The following CADM2 variants were observed in gnomAD, a reference collection of about 807,000 sequenced individuals.
The protein encoded by CADM2 is cell adhesion molecule 2.
CADM2 carries 12 observed loss-of-function variants against 49.8 expected under a neutral mutation model. The ratio of observed to expected loss-of-function variants is 0.24; its 90% CI spans 0.15 to 0.39. The LOEUF (loss-of-function observed/expected upper bound fraction) is 0.39, where lower values mean the gene tolerates loss of function less well. Ranked by LOEUF, CADM2 falls within the 10% of genes least tolerant of loss-of-function variation. CADM2 has a pLI of 1.00. For synonymous variants in CADM2, 214 were observed against 175.4 expected, an observed-to-expected ratio of 1.22 and a Z score of -1.74; for missense variants, 378 against 492.3, an observed-to-expected ratio of 0.77 and a Z score of 2.20.
chr3:85,985,500 A>G lies in CADM2; in HGVS notation c.970+23853A>G, dbSNP rs150006696. 4.3e-3 allele frequency among the ~76,000 whole-genome samples: 655 copies of G among 151,938 alleles called. 4 individuals carry two copies. The highest frequency in any genetic ancestry group is 0.015 in the African/African-American group (617 of 41,352). ...GACATATGTTTAAAAAGGTAACGTT[A>G]ACTAAAATACTTAAAATGATTCTCG... On this transcript the variant is annotated intron_variant, in intron 8 of 9. Transcript: ENST00000383699.
chr3:85,310,208 T>C (rs918644732), intron 1 of CADM2, among the ~76,000 whole-genome samples: 5 of 152,214 alleles, frequency 3.3e-5, no homozygotes, highest in Non-Finnish European at 5.9e-5. Context: ...CTTAAAGCAT[T>C]ATCACAATAG....
At chr3:85,108,104 AAC>A (rs2038315804) in intron 1 of CADM2, among the ~76,000 whole-genome samples, 1 of 152,152 alleles carries the variant, frequency 6.6e-6, no homozygotes, top group Non-Finnish European at 1.5e-5. Context: ...CAGGCACACA[AAC>A]AGGTATTTGT....
chr3:85,568,397 C>CTCTTTCTTTCTTTCTTTCTTTCTT (rs71108298), intron 1 of CADM2, among the ~76,000 whole-genome samples: 5 of 52,090 alleles, frequency 9.6e-5, no homozygotes, highest in Admixed American at 4.4e-4. Context: ...TCCTTCCTCC[C>CTCTTTCTTTCTTTCTTTCTTTCTT]TCTTTCTTTC....
At chr3:85,167,670 T>G (rs1005561388) in intron 1 of CADM2, among the ~76,000 whole-genome samples, 2 of 152,164 alleles carry the variant, frequency 1.3e-5, no homozygotes, top group Non-Finnish European at 2.9e-5. Context: ...ATTTAACAAT[T>G]AAACCACTTT....
At chr3:85,412,579 G>A (rs2035705882) in intron 1 of CADM2, among the ~76,000 whole-genome samples, 1 of 150,196 alleles carries the variant, frequency 6.7e-6, no homozygotes. Flanking sequence ...CCAACTAATA[G>A]AAAAGTCATG....
At chr3:85,846,333 A>G (rs1489741554) in intron 3 of CADM2, among the ~76,000 whole-genome samples, 1 of 152,190 alleles carries the variant, frequency 6.6e-6, no homozygotes, top group East Asian at 1.9e-4. Flanking sequence ...TATATGATAC[A>G]TACCCACTGT....
intron 7 of CADM2, among the ~76,000 whole-genome samples, chr3:85,953,077 C>G (rs1469364651): frequency 6.6e-6 from 1 of 150,624 alleles, no homozygotes; most frequent in Admixed American, 6.7e-5. Context: ...TCATGTTGCT[C>G]CTGTTTATGA....
intron 1 of CADM2, among the ~76,000 whole-genome samples, chr3:85,545,888 G>T (rs973318674): frequency 6.6e-6 from 1 of 152,152 alleles, no homozygotes; most frequent in Non-Finnish European, 1.5e-5. Flanking sequence ...GTTTACCAGA[G>T]ATCTAAATTT....
intron 3 of CADM2, among the ~76,000 whole-genome samples, chr3:85,809,788 C>T (rs924089520): frequency 8.2e-5 from 9 of 109,648 alleles, no homozygotes; most frequent in South Asian, 3.8e-4. Context: ...CTCTCTCTCT[C>T]TCTCTTTCTT....
intron 1 of CADM2, among the ~76,000 whole-genome samples, chr3:85,380,428 A>C (rs1004108713): frequency 3.3e-5 from 5 of 152,002 alleles, no homozygotes; most frequent in Non-Finnish European, 7.4e-5. Flanking sequence ...ACAATCTTAG[A>C]GTGTAGAAGT....
At chr3:85,979,124 CATG>C (rs1021054608) in intron 8 of CADM2, 18 of 1,592,962 alleles carry the variant, frequency 1.1e-5, no homozygotes, top group African/African-American at 5.4e-5. Flanking sequence ...CTTTTGTTTG[CATG>C]ATATGATTTT....
chr3:85,271,509 T>A (rs1007717945), intron 1 of CADM2, among the ~76,000 whole-genome samples: 1 of 151,258 alleles, frequency 6.6e-6, no homozygotes, highest in African/African-American at 2.4e-5. Flanking sequence ...CCTATTTTCT[T>A]CGTGTTATAG....
intron 8 of CADM2, among the ~76,000 whole-genome samples, chr3:85,996,947 C>T (rs1258855580): frequency 6.6e-6 from 1 of 152,114 alleles, no homozygotes; most frequent in Non-Finnish European, 1.5e-5. Context: ...AGTCTAGTAA[C>T]TTTCTCTTCT....
At chr3:86,063,390 A>G (rs1367061894) in intron 8 of CADM2, among the ~76,000 whole-genome samples, 1 of 152,220 alleles carries the variant, frequency 6.6e-6, no homozygotes, top group East Asian at 1.9e-4. Flanking sequence ...TTATAAAAAC[A>G]TGCCAGGCTG....
chr3:85,941,407 A>G (rs1008359518), intron 7 of CADM2, among the ~76,000 whole-genome samples: 1 of 152,118 alleles, frequency 6.6e-6, no homozygotes, highest in Non-Finnish European at 1.5e-5. Context: ...TTTCAAAAAC[A>G]TATTTAAACA....
At chr3:85,852,909 C>G (rs2075164789) in intron 3 of CADM2, among the ~76,000 whole-genome samples, 1 of 152,022 alleles carries the variant, frequency 6.6e-6, no homozygotes, top group South Asian at 2.1e-4. Flanking sequence ...TCTGCTGAAT[C>G]AATTAATGGA....
chr3:85,289,825 C>A (rs1346483554), intron 1 of CADM2, among the ~76,000 whole-genome samples: 1 of 152,132 alleles, frequency 6.6e-6, no homozygotes. Flanking sequence ...TGTATTAATC[C>A]ATTTAATTAT....
chr3:85,711,897 A>G (rs746484073), intron 1 of CADM2, among the ~76,000 whole-genome samples: 2 of 152,188 alleles, frequency 1.3e-5, no homozygotes, highest in Non-Finnish European at 2.9e-5. Context: ...TAAAATGAAC[A>G]TAATGATCAC....
At chr3:85,078,946 G>T (rs896166466) in intron 1 of CADM2, among the ~76,000 whole-genome samples, 1 of 151,390 alleles carries the variant, frequency 6.6e-6, no homozygotes, top group Non-Finnish European at 1.5e-5. Flanking sequence ...TATCACTGTT[G>T]TAACTACCTT....
Sources: allele counts gnomAD v4.1 joint callset (sites outside exome capture counted in the v4.1 genomes callset), GRCh38; gene constraint gnomAD v4.1.1; transcripts MANE v1.5; gene names NCBI Gene and HGNC (gene_info 2026-07-23, HGNC 2026-07-21).